Variants in GRID2 observed in about 807,000 individuals in gnomAD.
GRID2 encodes glutamate ionotropic receptor delta type subunit 2, also known as glutamate receptor ionotropic, delta-2.
Under a neutral mutation model 114.8 loss-of-function variants are expected in GRID2, and 33 were observed. The observed-to-expected ratio is 0.29, with a 90% CI of 0.22 to 0.38. GRID2 has a LOEUF of 0.38. Among genes scored for constraint, GRID2 ranks in the 10% least tolerant of loss-of-function variants. The pLI is 1.00. For synonymous variants in GRID2, 505 were observed against 449.9 expected (o/e 1.12, Z -1.55); for missense variants, 1,184 against 1,257.7 (o/e 0.94, Z 0.89).
rs766858469 is a variant in GRID2 at position 92,862,402 on chromosome 4, C to CT, written c.245-222585dup. On this transcript the variant is annotated intron_variant, in intron 2 of 15. Coordinates refer to ENST00000282020, the MANE Select transcript of GRID2 (RefSeq NM_001510.4). ...TCTCTAACATTCACTTGGGTGTAATCTTTTTTTTATTTTCTACAAAGTGAA... is the reference window on the plus strand; with the variant it reads ...TCTCTAACATTCACTTGGGTGTAATCTTTTTTTTTATTTTCTACAAAGTGAA... 2.1e-3 allele frequency among the ~76,000 whole-genome samples: 326 copies of CT among 151,928 alleles called. 1 individual carries two copies. The highest frequency in any genetic ancestry group is 3.7e-3 in the Non-Finnish European group (253 of 67,862).
chr4:93,301,362 G>C (rs1754850242), intron 8 of GRID2, among the ~76,000 whole-genome samples: 1 of 152,080 alleles, frequency 6.6e-6, no homozygotes, highest in Non-Finnish European at 1.5e-5. Context: ...CACACTGTGG[G>C]ACTTCCTAAA....
At chr4:92,819,502 G>T (rs1378994565) in intron 2 of GRID2, among the ~76,000 whole-genome samples, 1 of 152,074 alleles carries the variant, frequency 6.6e-6, no homozygotes, top group Admixed American at 6.6e-5. Flanking sequence ...CAGTAACTAT[G>T]TGATCTTGGG....
chr4:92,718,834 C>T (rs1245345452), intron 2 of GRID2, among the ~76,000 whole-genome samples: 1 of 145,968 alleles, frequency 6.9e-6, no homozygotes, highest in Non-Finnish European at 1.5e-5. Context: ...TAATCTTTTA[C>T]TCTCTTTATT....
At chr4:93,753,270 C>A (rs953860374) in intron 14 of GRID2, among the ~76,000 whole-genome samples, 3 of 152,176 alleles carry the variant, frequency 2.0e-5, no homozygotes, top group Admixed American at 2.0e-4. Context: ...AATGTCCACT[C>A]TTCTCTTTCT....
At chr4:93,523,382 A>T (rs1730524604) in intron 13 of GRID2, among the ~76,000 whole-genome samples, 1 of 152,164 alleles carries the variant, frequency 6.6e-6, no homozygotes, top group South Asian at 2.1e-4. Flanking sequence ...CACTCTCAAG[A>T]GTATTACCAT....
At chr4:93,139,222 G>T (rs1288774763) in intron 4 of GRID2, among the ~76,000 whole-genome samples, 1 of 152,194 alleles carries the variant, frequency 6.6e-6, no homozygotes, top group Non-Finnish European at 1.5e-5. Context: ...AAACCCAGAG[G>T]GGTGAGGGGA....
chr4:92,928,743 A>G (rs184186589), intron 2 of GRID2, among the ~76,000 whole-genome samples: 81 of 151,796 alleles, frequency 5.3e-4, no homozygotes, highest in Admixed American at 2.8e-3. Flanking sequence ...AAGTGCAAAC[A>G]CTGAACAAAA....
chr4:93,181,474 G>T (rs557282125), intron 4 of GRID2, among the ~76,000 whole-genome samples: 1 of 152,146 alleles, frequency 6.6e-6, no homozygotes, highest in Non-Finnish European at 1.5e-5. Flanking sequence ...AACCCTAACA[G>T]GATGGTCAGC....
chr4:93,775,862 CT>C (rs1161143069), downstream of GRID2, among the ~76,000 whole-genome samples: 2 of 152,134 alleles, frequency 1.3e-5, no homozygotes, highest in African/African-American at 4.8e-5. Flanking sequence ...TTTTTCATCT[CT>C]TTTAGTTTGG....
At chr4:93,430,864 T>G (rs540886245) in intron 10 of GRID2, among the ~76,000 whole-genome samples, 3 of 152,290 alleles carry the variant, frequency 2.0e-5, no homozygotes, top group Non-Finnish European at 4.4e-5. Context: ...AAAGAGGGAT[T>G]GGCAGAAAGT....
Position 93,328,135 on chromosome 4 carries a change from A to C in GRID2, c.1246-67472A>C, listed in dbSNP as rs553726246. 9.4e-4 allele frequency among the ~76,000 whole-genome samples: 143 copies of C among 152,190 alleles called. 1 individual carries two copies. Among genetic ancestry groups the C allele is most frequent in the Middle Eastern group, 3.4e-3 (1 of 294 alleles). On this transcript the variant is annotated intron_variant, in intron 8 of 15. Transcript: ENST00000282020. ...TCCGTCTCAAAAACAAAAACAAAAAAAAAACAAAAAACATGTCCTTTAGCA... is the reference window on the plus strand; with the variant it reads ...TCCGTCTCAAAAACAAAAACAAAAACAAAACAAAAAACATGTCCTTTAGCA...
At chr4:93,531,493 A>G (rs1196110937) in intron 13 of GRID2, among the ~76,000 whole-genome samples, 1 of 152,128 alleles carries the variant, frequency 6.6e-6, no homozygotes, top group East Asian at 1.9e-4. Context: ...CTTATCCTAG[A>G]GGAGGCCATG....
At chr4:93,334,375 A>G (rs1184745464) in intron 8 of GRID2, among the ~76,000 whole-genome samples, 1 of 136,514 alleles carries the variant, frequency 7.3e-6, no homozygotes, top group African/African-American at 3.5e-5. Flanking sequence ...CTGGAGACTT[A>G]CTGTGAAAAA....
At chr4:93,601,923 C>T (rs977746015) in intron 13 of GRID2, among the ~76,000 whole-genome samples, 1 of 152,138 alleles carries the variant, frequency 6.6e-6, no homozygotes, top group Non-Finnish European at 1.5e-5. Flanking sequence ...TGAATTGTGA[C>T]AACTGATCAC....
At chr4:92,451,000 C>T (rs951215870) in intron 1 of GRID2, among the ~76,000 whole-genome samples, 2 of 151,356 alleles carry the variant, frequency 1.3e-5, no homozygotes, top group African/African-American at 4.8e-5. Context: ...CTATTCAGTT[C>T]ACTCATAAAG....
intron 2 of GRID2, among the ~76,000 whole-genome samples, chr4:92,753,538 C>A (rs550268338): frequency 6.6e-6 from 1 of 152,054 alleles, no homozygotes; most frequent in Non-Finnish European, 1.5e-5. Context: ...AGCATAATAA[C>A]GAACAAAAAC....
intron 2 of GRID2, among the ~76,000 whole-genome samples, chr4:92,935,895 G>A (rs892785328): frequency 7.1e-6 from 1 of 141,388 alleles, no homozygotes; most frequent in Non-Finnish European, 1.5e-5. Context: ...TGGGGTGGGG[G>A]CTGGGGGGAG....
At chr4:93,700,908 CT>C (rs983233063) in intron 14 of GRID2, among the ~76,000 whole-genome samples, 19 of 151,222 alleles carry the variant, frequency 1.3e-4, no homozygotes, top group East Asian at 5.8e-4. Flanking sequence ...CTTTCTTTTC[CT>C]TTTTTTTTCT....
intron 14 of GRID2, among the ~76,000 whole-genome samples, chr4:93,631,109 A>T (rs1202188379): frequency 6.6e-6 from 1 of 152,176 alleles, no homozygotes; most frequent in East Asian, 1.9e-4. Flanking sequence ...TCAAACCCAG[A>T]GTCTGGCTCC....
Sources: allele counts gnomAD v4.1 joint callset (sites outside exome capture counted in the v4.1 genomes callset), GRCh38; gene constraint gnomAD v4.1.1; transcripts MANE v1.5; gene names NCBI Gene and HGNC (gene_info 2026-07-23, HGNC 2026-07-21).